Variants in IPO4 observed in about 807,000 individuals in gnomAD.
IPO4 encodes importin 4, also known as importin-4.
Under a neutral mutation model 133.5 loss-of-function variants are expected in IPO4, and 91 were observed. The ratio of observed to expected loss-of-function variants is 0.68; its 90% CI spans 0.58 to 0.81. The LOEUF is 0.81. Among genes scored for constraint, IPO4 ranks in the 30% least tolerant of loss-of-function variants. The probability of loss-of-function intolerance (pLI) is 0.00; values close to 1 mark genes in which losing one functional copy is unlikely to be tolerated. For synonymous variants in IPO4, 607 were observed against 581.6 expected, an observed-to-expected ratio of 1.04 and a Z score of -0.63; for missense variants, 1,279 against 1,386.2, an observed-to-expected ratio of 0.92 and a Z score of 1.23.
At chr14:24,186,205 A>C (rs753728825) in intron 10 of IPO4, 23 bp from the exon 11 acceptor site, 1 of 1,612,768 alleles carries the variant, frequency 6.2e-7, no homozygotes. Flanking sequence ...GGGGAGACTT[A>C]CTTTGCTTGA....
Position 24,183,511 on chromosome 14 carries a change from A to C in IPO4, c.2066T>G (p.Val689Gly), listed in dbSNP as rs1477073918. The C allele has an allele frequency of 1.2e-6, 2 of 1,614,036 alleles. No individual in the cohort carries two copies. Among genetic ancestry groups the C allele is most frequent in the East Asian group, 4.5e-5 (2 of 44,880 alleles). ...ACTTTCCATGTATGGAAGGAAGGCC[A>C]CACTACAGAGAGAGACACAGCCGTG... ...AVGEISVNTS[V>G]AFLPYMESVF... The change falls in exon 21 of 30, where the codon GTG becomes GGG. Residue 689 changes from valine (V) to glycine (G), a missense_variant and splice_region_variant. Val to Gly is a moderately radical substitution (Grantham distance 109, BLOSUM62 -3). Around this residue, in one of 3 missense-constraint regions of IPO4, gnomAD observed 575 missense variants for 653.4 expected, o/e 0.88. Coordinates refer to ENST00000354464, the MANE Select transcript of IPO4 (RefSeq NM_024658.4).
intron 12 of IPO4, 28 bp downstream of exon 12, chr14:24,185,833 C>A: frequency 6.4e-7 from 1 of 1,564,870 alleles, no homozygotes; most frequent in Non-Finnish European, 8.8e-7. Flanking sequence ...TGTGGGCAAC[C>A]CTCACCCTGG....
At chr14:24,182,501 T>TGGTG in intron 24 of IPO4, 98 bp from the exon 25 acceptor site, 1 of 1,499,556 alleles carries the variant, frequency 6.7e-7, no homozygotes, top group Non-Finnish European at 9.0e-7. Context: ...TCCCTGGGGC[T>TGGTG]GCCCTTGGTT....
chr14:24,185,292 T>C lies in IPO4; in HGVS notation c.1299A>G (p.Ser433=). ...CGAGGAGCAGTGGCATTACCTCCCT[T>C]GAATAGCTGCTGATATGGGGCTGGG... ...ENLQPHISSY[S]REVMPLLLAY... The change falls in exon 14 of 30, where the codon TCA becomes TCG. Residue 433 remains serine, a synonymous_variant. Transcript: ENST00000354464. 6.2e-7 allele frequency: 1 copy of C among 1,614,062 alleles called. No individual in the cohort carries two copies. The highest frequency in any genetic ancestry group is 1.1e-5 in the South Asian group (1 of 91,084).
At position 24,186,410 on chromosome 14, in the gene IPO4, G is replaced by T; in HGVS notation, c.882C>A (p.Thr294=). 6.2e-7 allele frequency: 1 copy of T among 1,609,328 alleles called. No homozygotes were observed. The highest frequency in any genetic ancestry group is 1.1e-5 in the South Asian group (1 of 90,476). Residue 294 remains threonine (T), a synonymous_variant, in exon 10 of 30, where the codon ACC becomes ACA. Coordinates refer to ENST00000354464, the MANE Select transcript of IPO4 (RefSeq NM_024658.4). The part of the protein sequence containing the change: ...KNRLLPPLLH[T]LFPIVAAEPP... ...GCTCAGCAGCCACAATGGGGAAAAGGGTGTGCAGCAAGGGTGGCAGGAGAC... is the reference window on the plus strand; with the variant it reads ...GCTCAGCAGCCACAATGGGGAAAAGTGTGTGCAGCAAGGGTGGCAGGAGAC...
chr14:24,180,618 C>G (rs555630245), intron 29 of IPO4, 46 bp from the exon 30 acceptor site: 68 of 1,611,524 alleles, frequency 4.2e-5, no homozygotes, highest in Non-Finnish European at 5.4e-5. Flanking sequence ...TAAAGCCTCG[C>G]TGCCCCAGGC....
chr14:24,180,438 C>A lies in IPO4; in HGVS notation c.*4G>T, dbSNP rs1413587258. 2 of 1,603,814 alleles carry A rather than the reference C, an allele frequency of 1.2e-6. No individual in the cohort carries two copies. The highest frequency in any genetic ancestry group is 1.7e-5 in the Admixed American group (1 of 59,550). ...TTCTCTCTGGACTGGCTGCAGCCTG[C>A]AGTCTAGGAGAGGCCCAGTACAGCC... is the stretch of plus-strand genomic sequence containing the variant. On this transcript the variant is annotated 3_prime_UTR_variant, in exon 30 of 30. Coordinates refer to ENST00000354464, the MANE Select transcript of IPO4 (RefSeq NM_024658.4).
intron 2 of IPO4, 42 bp from the exon 3 acceptor site, chr14:24,188,465 G>A: frequency 6.2e-7 from 1 of 1,608,646 alleles, no homozygotes; most frequent in Non-Finnish European, 8.5e-7. Flanking sequence ...GGGCAGGAAG[G>A]TGCTGAGCGG....
At chr14:24,183,419 T>C (rs776298844) in intron 21 of IPO4, 37 bp downstream of exon 21, 24 of 1,598,256 alleles carry the variant, frequency 1.5e-5, no homozygotes, top group Non-Finnish European at 2.0e-5. Flanking sequence ...GCCCCCAGCC[T>C]GAGAACCCCA....
intron 17 of IPO4, 42 bp downstream of exon 17, chr14:24,184,256 G>A (rs747220742): frequency 2.1e-5 from 33 of 1,571,394 alleles, no homozygotes; most frequent in Non-Finnish European, 2.9e-5. Context: ...GAAGACAGGA[G>A]GGGAGGGGAC....
Position 24,181,789 on chromosome 14 carries a change from A to G in IPO4, c.2862T>C (p.His954=), listed in dbSNP as rs750428999. 2 of 1,601,032 alleles carry G rather than the reference A, an allele frequency of 1.2e-6. No individual in the cohort carries two copies. Among genetic ancestry groups the G allele is most frequent in the East Asian group, 4.5e-5 (2 of 44,696 alleles). ...LLFPLLARER[H]DRVRDNICGA... ...CACAGATGTTGTCACGGACACGATC[A>G]TGTCGCTCCCGCGCCAGGAGGGGAA... The change falls in exon 27 of 30, where the codon CAT becomes CAC. Residue 954 remains histidine, a synonymous_variant. Coordinates refer to ENST00000354464, the MANE Select transcript of IPO4 (RefSeq NM_024658.4).
chr14:24,184,942 A>C lies in IPO4; in HGVS notation c.1447T>G (p.Cys483Gly), dbSNP rs2138814783. 1 of 1,614,106 alleles carries C rather than the reference A, an allele frequency of 6.2e-7. No individual in the cohort carries two copies. Among genetic ancestry groups the C allele is most frequent in the Non-Finnish European group, 8.5e-7 (1 of 1,180,010 alleles). ...VQPYLPELME[C>G]MLQLLRNPSS... ...GGGTTCCTCAGAAGCTGCAGCATGC[A>C]TTCCATAAGCTCCGGAAGGTAGGGC... The change falls in exon 15 of 30, where the codon TGC (cysteine) becomes GGC (glycine). Residue 483 changes from cysteine to glycine, a missense_variant. Around this residue, in one of 3 missense-constraint regions of IPO4, gnomAD observed 695 missense variants for 704.1 expected, o/e 0.99. Transcript: ENST00000354464.
chr14:24,180,427 G>T lies in IPO4; in HGVS notation c.*15C>A. 1 of 1,601,652 alleles carries T rather than the reference G, an allele frequency of 6.2e-7. No homozygotes were observed. The highest frequency in any genetic ancestry group is 1.7e-5 in the Admixed American group (1 of 59,320). The stretch of plus-strand genomic sequence containing the variant: ...GGCAGGCTCTATTCTCTCTGGACTG[G>T]CTGCAGCCTGCAGTCTAGGAGAGGC... On this transcript the variant is annotated 3_prime_UTR_variant, in exon 30 of 30. Transcript: ENST00000354464.
rs2039201202 is a variant in IPO4 at position 24,185,193 on chromosome 14, C to T, written c.1398G>A (p.Val466=). 2 of 1,613,964 alleles carry T rather than the reference C, an allele frequency of 1.2e-6. No homozygotes were observed. Among genetic ancestry groups the T allele is most frequent in the South Asian group, 2.2e-5 (2 of 91,084 alleles). Residue 466 remains valine, a synonymous_variant, in exon 14 of 30, where the codon GTG becomes GTA. Transcript: ENST00000354464. The part of the protein sequence containing the change: ...AKACYALENF[V]ENLGPKVQPY... Reference sequence around the variant, plus strand: ...CACTGCCATCACTACCTAGGTTCTCCACAAAATTCTCCAGGGCATAGCAGG... The same window carrying T: ...CACTGCCATCACTACCTAGGTTCTCTACAAAATTCTCCAGGGCATAGCAGG...
chr14:24,180,246 T>C lies in IPO4; in HGVS notation c.*196A>G, dbSNP rs2039104011. The C allele has an allele frequency of 6.4e-7, 1 of 1,565,520 alleles. No individual in the cohort carries two copies. Among genetic ancestry groups the C allele is most frequent in the East Asian group, 2.3e-5 (1 of 42,596 alleles). On this transcript the variant is annotated 3_prime_UTR_variant, in exon 30 of 30. Coordinates refer to ENST00000354464, the MANE Select transcript of IPO4 (RefSeq NM_024658.4). Reference sequence around the variant, plus strand: ...TTGTTCAAGCAGAAAACAAGCTGCTTTTATTACAGTATGATGTCATGACTC... The same window carrying C: ...TTGTTCAAGCAGAAAACAAGCTGCTCTTATTACAGTATGATGTCATGACTC...
chr14:24,186,911 G>A lies in IPO4; in HGVS notation c.723C>T (p.Pro241=). The change falls in exon 8 of 30, where the codon CCC becomes CCT. Residue 241 remains proline, a synonymous_variant. Transcript: ENST00000354464. The stretch of plus-strand genomic sequence containing the variant: ...AGAATGTGAGGACTTCAGAGAGGTA[G>A]GGGGTGATGACCGGCACCTCTGACT... The part of the protein sequence containing the change: ...LLESEVPVIT[P]YLSEVLTFCL... The A allele has an allele frequency of 6.2e-7, 1 of 1,614,062 alleles. No individual in the cohort carries two copies. The highest frequency in any genetic ancestry group is 8.5e-7 in the Non-Finnish European group (1 of 1,179,920).
At chr14:24,182,750 TGCCTGGACC>T in intron 24 of IPO4, 33 bp downstream of exon 24, 1 of 1,608,896 alleles carries the variant, frequency 6.2e-7, no homozygotes, top group Non-Finnish European at 8.5e-7. Flanking sequence ...CTGTGGAGAC[TGCCTGGACC>T]GCCTGGTCCC....
Position 24,184,871 on chromosome 14 carries a change from G to A in IPO4, c.1518C>T (p.Ala506=), listed in dbSNP as rs752717659. 6.2e-6 allele frequency: 10 copies of A among 1,613,642 alleles called. No homozygotes were observed. In the East Asian group the frequency reaches 2.2e-4, roughly 36 times the overall value. ...AKELAVSALG[A]IATAAQASLL... ...GCCTCCTGCCTCTCTCCTCACCAAT[G>A]GCTCCCAGGGCGCTCACAGCCAGCT... Residue 506 remains alanine (A), a synonymous_variant, in exon 15 of 30, where the codon GCC becomes GCT. Transcript: ENST00000354464.
intron 15 of IPO4, 30 bp downstream of exon 15, chr14:24,184,837 C>T (rs893435383): frequency 6.2e-7 from 1 of 1,608,178 alleles, no homozygotes; most frequent in Non-Finnish European, 8.5e-7. Flanking sequence ...GGGTGAACCC[C>T]ACATCCCTGC....
Sources: allele counts gnomAD v4.1 joint callset, GRCh38; gene constraint gnomAD v4.1.1; regional missense constraint gnomAD v4.1.1; transcripts MANE v1.5; gene names NCBI Gene and HGNC (gene_info 2026-07-23, HGNC 2026-07-21).